KLC2: variants seen among roughly 807,000 people sequenced by gnomAD.
The protein encoded by KLC2 is KLC 2.
A neutral mutation model predicts 75.1 loss-of-function variants in KLC2; 35 were observed. The observed-to-expected ratio is 0.47, with a 90% CI of 0.36 to 0.62. KLC2 has a LOEUF of 0.62. KLC2 is among the 20% of genes least tolerant of loss of function. The pLI, the probability that KLC2 is intolerant of heterozygous loss-of-function variation, is 0.00. For synonymous variants in KLC2, 314 were observed against 336.7 expected, an observed-to-expected ratio of 0.93 and a Z score of 0.74; for missense variants, 611 against 833.2, an observed-to-expected ratio of 0.73 and a Z score of 3.28.
rs1377738258 is a variant in KLC2 at position 66,266,414 on chromosome 11, G to A, written c.1728-19G>A. On this transcript the variant is annotated intron_variant, in intron 14 of 15. Coordinates refer to ENST00000394067, the MANE Select transcript of KLC2 (RefSeq NM_001318734.2). ...TGAGTTCCTCCTTGGGCAAATCCCA[G>A]GCTGTCCTTTTCCCTCAGGATGAAG... The A allele has an allele frequency of 6.3e-7, 1 of 1,590,718 alleles. No homozygotes were observed.
rs1261999358 is a variant in KLC2 at position 66,261,877 on chromosome 11, C to T, written c.364C>T (p.Arg122Cys). 3.7e-6 allele frequency: 6 copies of T among 1,614,148 alleles called. No homozygotes were observed. The highest frequency in any genetic ancestry group is 1.7e-4 in the Middle Eastern group (1 of 6,036). Residue 122 changes from arginine (R) to cysteine (C), a missense_variant, in exon 3 of 16, where the codon CGC becomes TGC. Arg to Cys is a radical substitution (Grantham distance 180). Coordinates refer to ENST00000394067, the MANE Select transcript of KLC2 (RefSeq NM_001318734.2). ...GGCGGGGACACAGCAGAAGCTGCAGCGCAGTGAGCAGGCCGTGGCCCAGCT... is the reference window on the plus strand; with the variant it reads ...GGCGGGGACACAGCAGAAGCTGCAGTGCAGTGAGCAGGCCGTGGCCCAGCT... ...ELAGTQQKLQ[R>C]SEQAVAQLEE...
Position 66,266,911 on chromosome 11 carries a change from C to T in KLC2, c.1824C>T (p.Ser608=). The T allele has an allele frequency of 6.2e-7, 1 of 1,613,628 alleles. No homozygotes were observed. Among genetic ancestry groups the T allele is most frequent in the Non-Finnish European group, 8.5e-7 (1 of 1,180,022 alleles). ...GTGLSDSRTL[S]SSSMDLSRRS... is the part of the protein sequence containing the mutation. ...GTCTCTCTGACAGCCGCACTCTCAG[C>T]TCCAGCTCCATGGACCTCTCCCGAC... is the stretch of plus-strand genomic sequence containing the variant. The change falls in exon 16 of 16, where the codon AGC becomes AGT. Residue 608 remains serine, a synonymous_variant. Transcript: ENST00000394067.
the KLC2 span, among the ~76,000 whole-genome samples, chr11:66,248,861 T>C: frequency 1.3e-5 from 2 of 152,104 alleles, no homozygotes; most frequent in African/African-American, 4.8e-5. Flanking sequence ...GCCTTCTGGG[T>C]ATCTGGGACT....
In KLC2 at chr11:66,258,772, C is replaced by A. The variant is rs1467620223; in HGVS notation, c.178C>A (p.Leu60Ile). The A allele has an allele frequency of 6.2e-7, 1 of 1,613,280 alleles. No individual in the cohort carries two copies. Among genetic ancestry groups the A allele is most frequent in the Non-Finnish European group, 8.5e-7 (1 of 1,179,954 alleles). ...AEPGSQERCI[L>I]LRRSLEAIEL... The stretch of plus-strand genomic sequence containing the variant: ...GCCTGGCTCGCAGGAGCGCTGCATC[C>A]TCCTGCGTCGCTCCCTGGAAGCCAT... The change falls in exon 2 of 16, where the codon CTC becomes ATC. Residue 60 changes from leucine (L) to isoleucine (I), a missense_variant. Physicochemically the swap from Leu to Ile is conservative, Grantham distance 5. Coordinates refer to ENST00000394067, the MANE Select transcript of KLC2 (RefSeq NM_001318734.2).
intron 2 of KLC2, chr11:66,259,607 C>G (rs1043471902): frequency 6.6e-6 from 1 of 152,208 alleles, no homozygotes; most frequent in African/African-American, 2.4e-5. Context: ...CAGAAAGCCT[C>G]TGGAGGGCTT....
At position 66,264,226 on chromosome 11, in the gene KLC2, T is replaced by TGGGGCTGAGA; in HGVS notation, c.1116+10_1116+19dup. ...CAAGACCAAGAACAACCTGGTACCT[T>TGGGGCTGAGA]GGGGCTGAGAGGAGCTGGAGGATGG... On this transcript the variant is annotated splice_region_variant and intron_variant, in intron 8 of 15. Transcript: ENST00000394067. 1 of 1,569,680 alleles carries TGGGGCTGAGA rather than the reference T, an allele frequency of 6.4e-7. No homozygotes were observed. Among genetic ancestry groups the TGGGGCTGAGA allele is most frequent in the Non-Finnish European group, 8.6e-7 (1 of 1,156,330 alleles).
rs1490154112 is a variant in KLC2, at chr11:66,266,147, C to T, written c.1657C>T (p.Leu553=). ...TTCCTTTGGGAAACTCCGGGATGCCCTGAGGCGCAGCAGTGAGATGCTGGT... is the reference window on the plus strand; with the variant it reads ...TTCCTTTGGGAAACTCCGGGATGCCTTGAGGCGCAGCAGTGAGATGCTGGT... ...SGSFGKLRDA[L]RRSSEMLVKK... The change falls in exon 14 of 16, where the codon CTG becomes TTG. Residue 553 remains leucine, a synonymous_variant. Transcript: ENST00000394067. The T allele has an allele frequency of 1.2e-6, 2 of 1,613,766 alleles. No individual in the cohort carries two copies. Among genetic ancestry groups the T allele is most frequent in the Admixed American group, 1.7e-5 (1 of 60,016 alleles).
chr11:66,244,578 A>C, the KLC2 span: 1 of 152,280 alleles, frequency 6.6e-6, no homozygotes, highest in Admixed American at 6.5e-5. Flanking sequence ...TCATTTTGAA[A>C]GTGTTTTTCT....
chr11:66,256,324 A>G (rs112878542), upstream of KLC2, among the ~76,000 whole-genome samples: 2,850 of 152,076 alleles, frequency 0.019, 110 homozygotes, highest in African/African-American at 0.066. Flanking sequence ...TTGTGAGCCC[A>G]AGAGTTTGAG....
intron 4 of KLC2, 77 bp downstream of exon 4, chr11:66,262,269 T>C (rs1856492859): frequency 1.8e-6 from 2 of 1,119,768 alleles, no homozygotes; most frequent in Non-Finnish European, 2.7e-6. Context: ...GTGGCTGCCA[T>C]GTTCCTTCCT....
In KLC2 at chr11:66,264,815, CAT is replaced by C. The variant is rs1313342994; in HGVS notation, c.1217-207_1217-206del. ...CCTGGCCCATCATTCAGGCCTAGCACATGTCTTGGGCTGTGGCCTGAGGTGCA... is the reference window on the plus strand; with the variant it reads ...CCTGGCCCATCATTCAGGCCTAGCACGTCTTGGGCTGTGGCCTGAGGTGCA... On this transcript the variant is annotated intron_variant, in intron 9 of 15. Coordinates refer to ENST00000394067, the MANE Select transcript of KLC2 (RefSeq NM_001318734.2). 8 of 597,464 alleles carry C rather than the reference CAT, an allele frequency of 1.3e-5. No homozygotes were observed. The East Asian group carries it at 2.0e-4, about 15-fold the overall frequency. 37.0% of individuals were successfully genotyped at this position (597,464 alleles called of 1,614,324 possible).
Position 66,265,640 on chromosome 11 carries a change from C to T in KLC2, c.1335-15C>T. 1 of 1,601,590 alleles carries T rather than the reference C, an allele frequency of 6.2e-7. No individual in the cohort carries two copies. The highest frequency in any genetic ancestry group is 8.5e-7 in the Non-Finnish European group (1 of 1,171,622). On this transcript the variant is annotated splice_polypyrimidine_tract_variant and intron_variant, in intron 11 of 15. Coordinates refer to ENST00000394067, the MANE Select transcript of KLC2 (RefSeq NM_001318734.2). ...GTCTGGGGGAACATGGAGTTTGAGACTGTCCCATCCACAGCCCCACAGTCA... is the reference window on the plus strand; with the variant it reads ...GTCTGGGGGAACATGGAGTTTGAGATTGTCCCATCCACAGCCCCACAGTCA...
intron 10 of KLC2, 41 bp from the exon 11 acceptor site, chr11:66,265,127 G>A (rs765148294): frequency 4.3e-6 from 7 of 1,610,636 alleles, no homozygotes; most frequent in Admixed American, 1.7e-5. Flanking sequence ...ATGTGCAGAG[G>A]GGGGCCTGCT....
At chr11:66,253,802 A>C (rs1855982282), upstream of KLC2, among the ~76,000 whole-genome samples, 1 of 152,226 alleles carries the variant, frequency 6.6e-6, no homozygotes, top group South Asian at 2.1e-4. Flanking sequence ...CCACCAGCAC[A>C]CCGGGCGGAG....
chr11:66,251,325 C>G, the KLC2 span, among the ~76,000 whole-genome samples: 1 of 110,350 alleles, frequency 9.1e-6, no homozygotes, highest in African/African-American at 2.9e-5. Context: ...AACCCTGTCT[C>G]TACTAAAAAT....
At chr11:66,255,312 C>T (rs141388417), upstream of KLC2, among the ~76,000 whole-genome samples, 47 of 152,336 alleles carry the variant, frequency 3.1e-4, no homozygotes, top group African/African-American at 1.1e-3. Flanking sequence ...ACCTCAGCCT[C>T]CTGAGTTGCT....
At chr11:66,255,800 C>G (rs1856009919), upstream of KLC2, among the ~76,000 whole-genome samples, 1 of 146,172 alleles carries the variant, frequency 6.8e-6, no homozygotes, top group Non-Finnish European at 1.5e-5. Context: ...GAGTCTGTCT[C>G]TGTCACCCAG....
In KLC2 at chr11:66,265,892, G is replaced by A. The variant is rs1361127731; in HGVS notation, c.1482G>A (p.Leu494=). Residue 494 remains leucine (L), a synonymous_variant, in exon 13 of 16, where the codon CTG becomes CTA. Coordinates refer to ENST00000394067, the MANE Select transcript of KLC2 (RefSeq NM_001318734.2). The part of the protein sequence containing the change: ...DPASQTKVVE[L]LKDGSGRRGD... ...CAAGCCAGACCAAGGTGGTAGAACT[G>A]CTGAAAGATGGCAGTGGCAGGCGGG... is the stretch of plus-strand genomic sequence containing the variant. 6.3e-7 allele frequency: 1 copy of A among 1,579,486 alleles called. No homozygotes were observed. Among genetic ancestry groups the A allele is most frequent in the South Asian group, 1.2e-5 (1 of 85,788 alleles).
chr11:66,264,533 G>A, intron 9 of KLC2, 89 bp downstream of exon 9: 1 of 980,096 alleles, frequency 1.0e-6, no homozygotes, highest in East Asian at 2.5e-5. Flanking sequence ...CAGCAGGGCA[G>A]GCCCTCAGGC....
Sources: gnomAD v4.1 joint callset for allele counts (sites outside exome capture counted in the v4.1 genomes callset) on GRCh38, gnomAD v4.1.1 for gene constraint, MANE v1.5 for transcripts, NCBI Gene and HGNC (gene_info 2026-07-23, HGNC 2026-07-21) for gene names.